The following SS18L2 variants were observed in gnomAD, a reference collection of about 807,000 sequenced individuals.
The protein encoded by SS18L2 is SS18-like protein 2.
SS18L2 carries 8 observed loss-of-function variants against 10.3 expected under a neutral mutation model. That is an observed-to-expected ratio of 0.78 (90% CI 0.46 to 1.41). The LOEUF is 1.41. Among genes scored for constraint, SS18L2 ranks in the 40% most tolerant of loss-of-function variants. The probability of loss-of-function intolerance (pLI) is 0.00; values close to 1 mark genes in which losing one functional copy is unlikely to be tolerated. For missense variants in SS18L2, 100 were observed against 96.2 expected (o/e 1.04, Z -0.17); for synonymous variants, 41 against 34.6 (o/e 1.19, Z -0.65).
In SS18L2 at chr3:42,596,725, G is replaced by A. The variant is rs1009413785; in HGVS notation, c.*2216G>A. On this transcript the variant is annotated 3_prime_UTR_variant, in exon 3 of 3. Coordinates refer to ENST00000011691, the MANE Select transcript of SS18L2 (RefSeq NM_001370300.1). ...AGACAGAATAAAATAATCTTTGAGA[G>A]AGGCAGAACCTTAGAAAGGAGATAT... Among the ~76,000 whole-genome samples the A allele has an allele frequency of 4.6e-5, 7 of 152,204 alleles. No individual in the cohort carries two copies. Among genetic ancestry groups the A allele is most frequent in the Non-Finnish European group, 1.0e-4 (7 of 68,026 alleles).
At chr3:42,591,737 A>G in intron 2 of SS18L2, 136 bp downstream of exon 2, 1 of 688,008 alleles carries the variant, frequency 1.5e-6, no homozygotes, top group Non-Finnish European at 2.6e-6. Context: ...AGAGAGGCTC[A>G]AAGAGTTTGC....
At chr3:42,582,199 G>A (rs1168198097) in intron 1 of SS18L2, 2 of 152,240 alleles carry the variant, frequency 1.3e-5, no homozygotes, top group Admixed American at 6.5e-5. Flanking sequence ...TCACCGCGGC[G>A]GTTTGAGATC....
chr3:42,588,041 C>T (rs191678447), upstream of SS18L2, among the ~76,000 whole-genome samples: 300 of 151,678 alleles, frequency 2.0e-3, 1 homozygote, highest in African/African-American at 6.8e-3. Flanking sequence ...CCATTGCACT[C>T]CAGCCTGGGC....
At chr3:42,586,313 G>C (rs749878128), upstream of SS18L2, among the ~76,000 whole-genome samples, 3 of 152,114 alleles carry the variant, frequency 2.0e-5, no homozygotes, top group Non-Finnish European at 4.4e-5. Context: ...ACCTCTGCCT[G>C]CCGGATTCAA....
chr3:42,593,639 C>G (rs1486731385), intron 2 of SS18L2, among the ~76,000 whole-genome samples: 2 of 152,092 alleles, frequency 1.3e-5, no homozygotes, highest in African/African-American at 4.8e-5. Context: ...CATAGTAAAA[C>G]AGATACCAGC....
chr3:42,596,223 T>C lies in SS18L2; in HGVS notation c.*1714T>C, dbSNP rs757245601. On this transcript the variant is annotated 3_prime_UTR_variant, in exon 3 of 3. Transcript: ENST00000011691. Reference sequence around the variant, plus strand: ...TTTTAGTAGAGACGGGGTTTCTCCATGTTGGTCAGGCTGGTCTCGTACTCA... The same window carrying C: ...TTTTAGTAGAGACGGGGTTTCTCCACGTTGGTCAGGCTGGTCTCGTACTCA... 5.3e-5 allele frequency among the ~76,000 whole-genome samples: 8 copies of C among 152,188 alleles called. No individual in the cohort carries two copies. The highest frequency in any genetic ancestry group is 7.2e-5 in the African/African-American group (3 of 41,452).
chr3:42,592,336 A>G (rs1704879779), intron 2 of SS18L2, among the ~76,000 whole-genome samples: 1 of 151,988 alleles, frequency 6.6e-6, no homozygotes, highest in African/African-American at 2.4e-5. Flanking sequence ...AGTAGCTGGG[A>G]CTACAGGCGT....
At chr3:42,586,379 T>A (rs1704608546), upstream of SS18L2, among the ~76,000 whole-genome samples, 1 of 152,060 alleles carries the variant, frequency 6.6e-6, no homozygotes, top group Non-Finnish European at 1.5e-5. Flanking sequence ...TGTGCCACCA[T>A]GCCTGGCTAA....
chr3:42,590,993 G>C, intron 1 of SS18L2, 27 bp downstream of exon 1: 2 of 531,082 alleles, frequency 3.8e-6, no homozygotes, highest in Non-Finnish European at 7.2e-6. Flanking sequence ...GCGGGCGGGC[G>C]GGCGGAGAGA....
At chr3:42,594,140 T>C (rs573227961) in intron 2 of SS18L2, among the ~76,000 whole-genome samples, 1 of 152,304 alleles carries the variant, frequency 6.6e-6, no homozygotes, top group African/African-American at 2.4e-5. Context: ...CTCAGGCTGT[T>C]ATGTGGAGAA....
At chr3:42,582,771 AG>A (rs1401351761) in intron 1 of SS18L2, among the ~76,000 whole-genome samples, 1 of 152,168 alleles carries the variant, frequency 6.6e-6, no homozygotes, top group Non-Finnish European at 1.5e-5. Context: ...CAAAGGGGAG[AG>A]GAAGTGTGTT....
In SS18L2 at chr3:42,594,454, A is replaced by G. The variant is rs777733881; in HGVS notation, c.179A>G (p.Tyr60Cys). ...CATGTGTTACATAGAAATCTCATTT[A>G]TTTGGCTACCATTGCAGATGCCAGT... The part of the protein sequence containing the change: ...YQHVLHRNLI[Y>C]LATIADASPT... Residue 60 changes from tyrosine (Y) to cysteine (C), a missense_variant, in exon 3 of 3, where the codon TAT becomes TGT. Physicochemically the swap from Tyr to Cys is radical, Grantham distance 194. Transcript: ENST00000011691. 6.2e-7 allele frequency: 1 copy of G among 1,614,016 alleles called. No homozygotes were observed. The highest frequency in any genetic ancestry group is 8.5e-7 in the Non-Finnish European group (1 of 1,179,902).
At chr3:42,586,545 T>G (rs1177701769), upstream of SS18L2, among the ~76,000 whole-genome samples, 1 of 151,680 alleles carries the variant, frequency 6.6e-6, no homozygotes, top group Non-Finnish European at 1.5e-5. Context: ...TTCAACAGCA[T>G]TTGTCATTGC....
intron 1 of SS18L2, chr3:42,591,201 CTTTT>C (rs71616053): frequency 7.6e-4 from 370 of 487,066 alleles, no homozygotes; most frequent in Non-Finnish European, 8.5e-4. Flanking sequence ...CCTTTCTCTC[CTTTT>C]TTTTTTTTTT....
intron 2 of SS18L2, among the ~76,000 whole-genome samples, chr3:42,592,444 C>T (rs1012414742): frequency 6.6e-6 from 1 of 152,220 alleles, no homozygotes; most frequent in African/African-American, 2.4e-5. Context: ...AGATGATCCA[C>T]CCACCTCGAC....
At chr3:42,589,463 C>A (rs535250756), upstream of SS18L2, among the ~76,000 whole-genome samples, 1 of 152,112 alleles carries the variant, frequency 6.6e-6, no homozygotes, top group African/African-American at 2.4e-5. Context: ...ATGAAGTGGC[C>A]GCTGCTCACT....
rs539975642 is a variant in SS18L2 at position 42,596,039 on chromosome 3, GT to G, written c.*1539del. On this transcript the variant is annotated 3_prime_UTR_variant, in exon 3 of 3. Coordinates refer to ENST00000011691, the MANE Select transcript of SS18L2 (RefSeq NM_001370300.1). ...TTTGTTTTGTTTTGTTTTTGTTTTT[GT>G]TTTTTTTTGAGACGGAATCTCGCTC... Among the ~76,000 whole-genome samples, 4 of 149,382 alleles carry G rather than the reference GT, an allele frequency of 2.7e-5. No individual in the cohort carries two copies. Among genetic ancestry groups the G allele is most frequent in the Non-Finnish European group, 4.5e-5 (3 of 67,162 alleles).
rs1705047465 is a variant in SS18L2 at position 42,596,898 on chromosome 3, T to G, written c.*2389T>G. Among the ~76,000 whole-genome samples, 1 of 152,214 alleles carries G rather than the reference T, an allele frequency of 6.6e-6. No individual in the cohort carries two copies. Among genetic ancestry groups the G allele is most frequent in the South Asian group, 2.1e-4 (1 of 4,830 alleles). ...TTCTAGGTTTAAAGTTGTTTAAGTA[T>G]ATCCCAAATTAAATATTTCATTCCT... is the stretch of plus-strand genomic sequence containing the variant. On this transcript the variant is annotated 3_prime_UTR_variant, in exon 3 of 3. Coordinates refer to ENST00000011691, the MANE Select transcript of SS18L2 (RefSeq NM_001370300.1).
intron 2 of SS18L2, among the ~76,000 whole-genome samples, chr3:42,593,764 G>A (rs531053659): frequency 6.6e-6 from 1 of 152,276 alleles, no homozygotes; most frequent in African/African-American, 2.4e-5. Flanking sequence ...GGGGGGAGGA[G>A]TGCTATTTTA....
Sources: allele counts gnomAD v4.1 joint callset (sites outside exome capture counted in the v4.1 genomes callset), GRCh38; gene constraint gnomAD v4.1.1; transcripts MANE v1.5; gene names NCBI Gene and HGNC (gene_info 2026-07-23, HGNC 2026-07-21).